The following PARP6 variants were observed in gnomAD, a reference collection of about 807,000 sequenced individuals.
PARP6 encodes poly(ADP-ribose) polymerase family member 6, also known as protein mono-ADP-ribosyltransferase PARP6.
Under a neutral mutation model 92.0 loss-of-function variants are expected in PARP6, and 27 were observed. The ratio of observed to expected loss-of-function variants is 0.29; its 90% CI spans 0.22 to 0.40. The LOEUF (loss-of-function observed/expected upper bound fraction) is 0.40, where lower values mean the gene tolerates loss of function less well. PARP6 is among the 10% of genes least tolerant of loss of function. The pLI is 1.00. For missense variants in PARP6, 501 were observed against 784.5 expected (o/e 0.64, Z 4.32); for synonymous variants, 272 against 281.2 (o/e 0.97, Z 0.33).
Position 72,265,414 on chromosome 15 carries a change from T to C in PARP6, c.236A>G (p.Asp79Gly). 1 of 1,612,976 alleles carries C rather than the reference T, an allele frequency of 6.2e-7. No individual in the cohort carries two copies. The highest frequency in any genetic ancestry group is 8.5e-7 in the Non-Finnish European group (1 of 1,178,910). Residue 79 changes from aspartate to glycine, a missense_variant and splice_region_variant, in exon 6 of 24, where the codon GAT (aspartate) becomes GGT (glycine). Physicochemically the swap from Asp to Gly is moderately conservative, Grantham distance 94 (BLOSUM62 -1). Transcript: ENST00000569795. ...IDLHINISFL[D>G]EEVSTAWKVL... ...TTGGCAGGTACTAGCCCCACTTACATCGAGGAAGCTGATGTTGATGTGGAG... is the reference window on the plus strand; with the variant it reads ...TTGGCAGGTACTAGCCCCACTTACACCGAGGAAGCTGATGTTGATGTGGAG...
chr15:72,257,852 T>G (rs182075252), intron 12 of PARP6, among the ~76,000 whole-genome samples, 185 bp downstream of exon 12: 107 of 152,308 alleles, frequency 7.0e-4, no homozygotes, highest in Admixed American at 3.4e-3. Context: ...ATAAATATTC[T>G]CATATCCTCA....
intron 16 of PARP6, 170 bp from the exon 17 acceptor site, chr15:72,251,425 G>A: frequency 2.0e-6 from 1 of 504,036 alleles, no homozygotes. Context: ...GTGGGTGATA[G>A]TGCTTATGAA....
Position 72,250,835 on chromosome 15 carries a change from G to A in PARP6, c.1418+10C>T. 4 of 1,014,578 alleles carry A rather than the reference G, an allele frequency of 3.9e-6. No individual in the cohort carries two copies. The highest frequency in any genetic ancestry group is 5.9e-6 in the Non-Finnish European group (4 of 682,752). The allele number at this position is 1,014,578 out of a possible 1,614,324, so 62.8% of individuals were successfully genotyped here. ...CACCACCCCCACTGCCCAGCCCCCAGCCTCCTCACTGGAAGGCAAAGGTGC... is the reference window on the plus strand; with the variant it reads ...CACCACCCCCACTGCCCAGCCCCCAACCTCCTCACTGGAAGGCAAAGGTGC... On this transcript the variant is annotated intron_variant, in intron 18 of 23. Coordinates refer to ENST00000569795, the MANE Select transcript of PARP6 (RefSeq NM_001323532.2).
intron 16 of PARP6, among the ~76,000 whole-genome samples, chr15:72,252,820 A>G (rs2084552231): frequency 6.6e-6 from 1 of 152,238 alleles, no homozygotes; most frequent in Non-Finnish European, 1.5e-5. Flanking sequence ...AAAATAAATT[A>G]ACAAACCAAA....
chr15:72,271,642 G>A (rs1341899468), intron 1 of PARP6, among the ~76,000 whole-genome samples: 1 of 152,190 alleles, frequency 6.6e-6, no homozygotes, highest in African/African-American at 2.4e-5. Flanking sequence ...AAAGACATTG[G>A]ACAGGTCCTA....
At chr15:72,249,510 A>G (rs1209476767) in intron 19 of PARP6, among the ~76,000 whole-genome samples, 196 bp from the exon 20 acceptor site, 1 of 152,262 alleles carries the variant, frequency 6.6e-6, no homozygotes, top group Non-Finnish European at 1.5e-5. Context: ...GAAGTGCTAC[A>G]TACTGACACA....
At chr15:72,250,335 C>T (rs553438231) in intron 18 of PARP6, 415 of 439,170 alleles carry the variant, frequency 9.4e-4, no homozygotes, top group Non-Finnish European at 1.4e-3. Context: ...ATCCTAAATC[C>T]TCAACTGCTG....
intron 18 of PARP6, chr15:72,250,544 T>C (rs965224045): frequency 8.1e-6 from 3 of 371,636 alleles, no homozygotes; most frequent in East Asian, 5.4e-5. Context: ...AAATTAGGCA[T>C]AAATTGTGGA....
At chr15:72,266,350 A>C (rs2086588783) in intron 4 of PARP6, among the ~76,000 whole-genome samples, 1 of 152,206 alleles carries the variant, frequency 6.6e-6, no homozygotes, top group South Asian at 2.1e-4. Flanking sequence ...GTTCTAAGTG[A>C]AGAGCATTCT....
At chr15:72,247,817 T>C (rs2083810516) in intron 20 of PARP6, among the ~76,000 whole-genome samples, 1 of 152,138 alleles carries the variant, frequency 6.6e-6, no homozygotes, top group Non-Finnish European at 1.5e-5. Flanking sequence ...GAGTCTTGCT[T>C]TGTTGTCTAG....
rs914926381 is a variant in PARP6 at position 72,272,414 on chromosome 15, G to C, written c.-481C>G. Reference sequence around the variant, plus strand: ...TCACTTCGTCCACCCCTGCGGAGACGGGGCGAGCCCCGCACCCTTCCCGTG... The same window carrying C: ...TCACTTCGTCCACCCCTGCGGAGACCGGGCGAGCCCCGCACCCTTCCCGTG... On this transcript the variant is annotated 5_prime_UTR_variant, in exon 1 of 24. Transcript: ENST00000569795. 2 of 152,494 alleles carry C rather than the reference G, an allele frequency of 1.3e-5. No homozygotes were observed. The highest frequency in any genetic ancestry group is 4.1e-4 in the South Asian group (2 of 4,824). 9.4% of individuals were successfully genotyped at this position (152,494 alleles called of 1,614,324 possible).
At chr15:72,266,046 A>G (rs1489254230) in intron 4 of PARP6, 55 bp from the exon 5 acceptor site, 1 of 1,146,566 alleles carries the variant, frequency 8.7e-7, no homozygotes, top group African/African-American at 1.5e-5. Flanking sequence ...CGAGGGAAAG[A>G]GAGAGATAAT....
chr15:72,270,602 C>G (rs779376877), intron 2 of PARP6, among the ~76,000 whole-genome samples: 1 of 152,168 alleles, frequency 6.6e-6, no homozygotes, highest in South Asian at 2.1e-4. Flanking sequence ...CGCCATAGAG[C>G]CTTTGTCCCT....
At chr15:72,268,396 C>T (rs1440395090) in intron 2 of PARP6, among the ~76,000 whole-genome samples, 2 of 152,226 alleles carry the variant, frequency 1.3e-5, no homozygotes, top group African/African-American at 2.4e-5. Context: ...TCCATATTAG[C>T]CAGTATCTCT....
At chr15:72,252,357 C>A (rs2084473415) in intron 16 of PARP6, among the ~76,000 whole-genome samples, 1 of 152,222 alleles carries the variant, frequency 6.6e-6, no homozygotes, top group African/African-American at 2.4e-5. Context: ...TCTTCAAAAT[C>A]ACTGTGGTAG....
chr15:72,266,693 C>T, intron 4 of PARP6, 52 bp downstream of exon 4: 2 of 1,308,108 alleles, frequency 1.5e-6, no homozygotes, highest in South Asian at 1.2e-5. Flanking sequence ...ATCCAAAAAG[C>T]AGCACATATC....
chr15:72,257,892 T>C (rs1222609272), intron 12 of PARP6, 145 bp downstream of exon 12: 1 of 652,262 alleles, frequency 1.5e-6, no homozygotes, highest in Non-Finnish European at 2.8e-6. Flanking sequence ...TGAGACTTGT[T>C]TTCTGAGAAA....
chr15:72,257,168 ATTTC>A (rs1386833186), intron 13 of PARP6, among the ~76,000 whole-genome samples, 176 bp downstream of exon 13: 1 of 152,212 alleles, frequency 6.6e-6, no homozygotes, highest in Non-Finnish European at 1.5e-5. Context: ...ATATCCCATA[ATTTC>A]TTTAACTGGA....
intron 20 of PARP6, among the ~76,000 whole-genome samples, chr15:72,246,911 C>T (rs905375459): frequency 1.4e-4 from 22 of 152,052 alleles, no homozygotes; most frequent in African/African-American, 5.3e-4. Context: ...TGTGCCACCA[C>T]GCCTGGCTAA....
Sources: allele counts gnomAD v4.1 joint callset (sites outside exome capture counted in the v4.1 genomes callset), GRCh38; gene constraint gnomAD v4.1.1; transcripts MANE v1.5; gene names NCBI Gene and HGNC (gene_info 2026-07-23, HGNC 2026-07-21).